The following MPRIP variants were observed in gnomAD, a reference collection of about 807,000 sequenced individuals.
The protein encoded by MPRIP is myosin phosphatase Rho-interacting protein.
In MPRIP, 59 loss-of-function variants were observed where a neutral mutation model predicts 234.9. The observed-to-expected ratio is 0.25, with a 90% CI of 0.20 to 0.31. The LOEUF (loss-of-function observed/expected upper bound fraction) is 0.31. MPRIP is among the 10% of genes least tolerant of loss of function. MPRIP has a pLI of 1.00. For missense variants in MPRIP, 2,436 were observed against 3,071.0 expected (o/e 0.79, Z 4.89); for synonymous variants, 1,144 against 1,263.9 (o/e 0.91, Z 2.01).
At chr17:17,131,594 C>T (rs376221561) in intron 4 of MPRIP, 23 bp from the exon 5 acceptor site, 810 of 1,610,258 alleles carry the variant, frequency 5.0e-4, no homozygotes, top group Non-Finnish European at 5.3e-4. Context: ...TTACCTGGTA[C>T]TTGTCTCCTT....
In MPRIP at chr17:17,050,503, G is replaced by A. The variant is rs541477876; in HGVS notation, c.123+7532G>A. Reference sequence around the variant, plus strand: ...TAGCCTGGTGGTGTGGCCGCTGCCCGCAGTCCTGGTGGCAGCCCTGGGGTG... The same window carrying A: ...TAGCCTGGTGGTGTGGCCGCTGCCCACAGTCCTGGTGGCAGCCCTGGGGTG... On this transcript the variant is annotated intron_variant, in intron 1 of 23. Coordinates refer to ENST00000651222, the MANE Select transcript of MPRIP (RefSeq NM_001364716.4). Among the ~76,000 whole-genome samples, 4 of 152,172 alleles carry A rather than the reference G, an allele frequency of 2.6e-5. No homozygotes were observed. In the East Asian group the frequency reaches 5.8e-4, roughly 22 times the overall value.
Position 17,166,062 on chromosome 17 carries a change from A to G in MPRIP, c.4471A>G (p.Arg1491Gly). 1 of 1,301,624 alleles carries G rather than the reference A, an allele frequency of 7.7e-7. No homozygotes were observed. Among genetic ancestry groups the G allele is most frequent in the East Asian group, 5.6e-5 (1 of 17,972 alleles). The allele number at this position is 1,301,624 out of a possible 1,614,324, so 80.6% of individuals were successfully genotyped here. A position where few individuals can be genotyped will look rare whatever the true frequency, so the allele number is the denominator to read the frequency against. The change falls in exon 16 of 24, where the codon AGG becomes GGG. Residue 1491 changes from arginine to glycine, a missense_variant. By Grantham distance (125) the Arg-to-Gly change is moderately radical. Coordinates refer to ENST00000651222, the MANE Select transcript of MPRIP (RefSeq NM_001364716.4). The surrounding 1 kb of genome is among the most constrained non-coding windows in gnomAD (Gnocchi z 4.4). Reference protein sequence around the residue: ...NCREQLRSLPRASQEDEQDAR... With the variant: ...NCREQLRSLPGASQEDEQDAR... ...CCGAGAACAACTGAGATCTCTGCCT[A>G]GGGCCAGCCAGGAGGATGAGCAGGA... is the stretch of plus-strand genomic sequence containing the variant.
intron 3 of MPRIP, among the ~76,000 whole-genome samples, chr17:17,124,987 G>A (rs1884127366): frequency 6.6e-6 from 1 of 152,216 alleles, no homozygotes; most frequent in Non-Finnish European, 1.5e-5. Context: ...CAACCAGAAG[G>A]TGGCAGGGGC....
chr17:17,190,931 C>T lies in MPRIP; in HGVS notation c.*6037C>T, dbSNP rs1395332366. ...CAATGTAAATATTACTGAGAAGTTACTGCAGGGATTTTTGTGACAGAGTTT... is the reference window on the plus strand; with the variant it reads ...CAATGTAAATATTACTGAGAAGTTATTGCAGGGATTTTTGTGACAGAGTTT... On this transcript the variant is annotated 3_prime_UTR_variant, in exon 24 of 24. Transcript: ENST00000651222. 6.6e-6 allele frequency: 1 copy of T among 152,158 alleles called. No homozygotes were observed. The highest frequency in any genetic ancestry group is 2.4e-5 in the African/African-American group (1 of 41,422). The allele number at this position is 152,158 out of a possible 1,614,324, so 9.4% of individuals were successfully genotyped here.
chr17:17,176,359 C>T, intron 20 of MPRIP, 67 bp from the exon 21 acceptor site: 1 of 1,246,744 alleles, frequency 8.0e-7, no homozygotes, highest in South Asian at 1.2e-5. Context: ...ACGCTTCAGC[C>T]TGCTGTGGAG....
At chr17:17,053,913 C>T (rs1172520691) in intron 1 of MPRIP, among the ~76,000 whole-genome samples, 1 of 152,178 alleles carries the variant, frequency 6.6e-6, no homozygotes, top group Non-Finnish European at 1.5e-5. Flanking sequence ...TGTGTAAGTA[C>T]AGTAAGTCCT....
chr17:17,173,401 C>T (rs2046187080), intron 18 of MPRIP, among the ~76,000 whole-genome samples: 1 of 152,232 alleles, frequency 6.6e-6, no homozygotes, highest in Non-Finnish European at 1.5e-5. Context: ...CAGCAGTCAG[C>T]AGCACCCTGT....
intron 3 of MPRIP, among the ~76,000 whole-genome samples, chr17:17,109,634 G>C (rs1019872852): frequency 6.6e-6 from 1 of 152,174 alleles, no homozygotes; most frequent in African/African-American, 2.4e-5. Context: ...TTCCATTAGC[G>C]GAGAGGGCCT....
intron 2 of MPRIP, chr17:17,076,383 C>T (rs1341046801): frequency 6.6e-6 from 1 of 152,310 alleles, no homozygotes; most frequent in African/African-American, 2.4e-5. Context: ...CGCTTGCACC[C>T]TATAAATTGC....
In MPRIP at chr17:17,165,188, G is replaced by A; in HGVS notation, c.3597G>A (p.Gly1199=). The change falls in exon 16 of 24, where the codon GGG becomes GGA. Residue 1199 remains glycine (G), a synonymous_variant. Transcript: ENST00000651222. ...NEALVKMVAL[G]SSLEETEIKL... ...CTTTGGTTAAAATGGTTGCCTTGGG[G>A]AGCAGCTTAGAGGAAACAGAAATTA... 6 of 1,304,186 alleles carry A rather than the reference G, an allele frequency of 4.6e-6. No individual in the cohort carries two copies. The highest frequency in any genetic ancestry group is 6.1e-6 in the Non-Finnish European group (6 of 988,970). The allele number at this position is 1,304,186 out of a possible 1,614,324, so 80.8% of individuals were successfully genotyped here. A position where few individuals can be genotyped will look rare whatever the true frequency, so the allele number is the denominator to read the frequency against.
chr17:17,103,264 G>A (rs1466731524), intron 3 of MPRIP, among the ~76,000 whole-genome samples: 4 of 152,350 alleles, frequency 2.6e-5, no homozygotes, highest in Middle Eastern at 6.8e-3. Flanking sequence ...CATTGGTGAC[G>A]TGTGGAGCTA....
At chr17:17,143,122 C>CTT (rs2045367344) in intron 8 of MPRIP, among the ~76,000 whole-genome samples, 1 of 152,218 alleles carries the variant, frequency 6.6e-6, no homozygotes, top group Non-Finnish European at 1.5e-5. Context: ...AAGGTAGACT[C>CTT]GGCTTCTGAA....
chr17:17,135,577 T>C (rs7216677), intron 5 of MPRIP, among the ~76,000 whole-genome samples: 23,287 of 152,142 alleles, frequency 0.15, 2,595 homozygotes, highest in East Asian at 0.31. Flanking sequence ...AGTGCTAGTA[T>C]TTTGGGTGTC....
intron 3 of MPRIP, among the ~76,000 whole-genome samples, chr17:17,119,283 G>A (rs939436147): frequency 1.2e-4 from 18 of 152,272 alleles, no homozygotes; most frequent in South Asian, 2.1e-4. Context: ...CTGCCTGGGC[G>A]CTGCCTAATC....
chr17:17,161,144 G>A, intron 14 of MPRIP, 96 bp from the exon 15 acceptor site: 3 of 790,512 alleles, frequency 3.8e-6, no homozygotes, highest in Non-Finnish European at 6.0e-6. Context: ...CAAAACTCTT[G>A]GGCCACATGG....
At position 17,138,707 on chromosome 17, in the gene MPRIP, G is replaced by A. The variant is rs1368843191; in HGVS notation, c.1250+278G>A. Reference sequence around the variant, plus strand: ...GACTGGGACCTTAAGGTTCCCTGATGGGTTCTCAGCTGCCTGGTCCTTGTG... The same window carrying A: ...GACTGGGACCTTAAGGTTCCCTGATAGGTTCTCAGCTGCCTGGTCCTTGTG... On this transcript the variant is annotated intron_variant, in intron 7 of 23. Coordinates refer to ENST00000651222, the MANE Select transcript of MPRIP (RefSeq NM_001364716.4). This position sits in a 1 kb window ranked among gnomAD's most constrained non-coding sequence, Gnocchi z 5.8. Among the ~76,000 whole-genome samples the A allele has an allele frequency of 6.6e-6, 1 of 152,188 alleles. No individual in the cohort carries two copies. The highest frequency in any genetic ancestry group is 1.5e-5 in the Non-Finnish European group (1 of 68,030).
At chr17:17,080,531 C>T (rs1430579871) in intron 3 of MPRIP, among the ~76,000 whole-genome samples, 1 of 152,204 alleles carries the variant, frequency 6.6e-6, no homozygotes, top group African/African-American at 2.4e-5. Flanking sequence ...TGGTCCTCAG[C>T]GTCATGCCTC....
chr17:17,101,601 A>AC (rs59793275), intron 3 of MPRIP, among the ~76,000 whole-genome samples: 12,407 of 150,690 alleles, frequency 0.082, 714 homozygotes, highest in East Asian at 0.17. Flanking sequence ...AACAACAACA[A>AC]AAAAAATATA....
At chr17:17,127,480 G>C (rs1256526728) in intron 4 of MPRIP, among the ~76,000 whole-genome samples, 1 of 152,254 alleles carries the variant, frequency 6.6e-6, no homozygotes, top group Admixed American at 6.5e-5. Context: ...TGAGCGCAGT[G>C]CTGAGCCCAG....
Sources: gnomAD v4.1 joint callset for allele counts (sites outside exome capture counted in the v4.1 genomes callset) on GRCh38, gnomAD v4.1.1 for gene constraint, Gnocchi (gnomAD v3.1) non-coding constraint, MANE v1.5 for transcripts, NCBI Gene and HGNC (gene_info 2026-07-23, HGNC 2026-07-21) for gene names.